The following NKAIN3 variants were observed in gnomAD, a reference collection of about 807,000 sequenced individuals.
NKAIN3 encodes the protein sodium/potassium transporting ATPase interacting 3.
NKAIN3 carries 25 observed loss-of-function variants against 30.2 expected under a neutral mutation model. The observed-to-expected ratio is 0.83, with a 90% confidence interval of 0.60 to 1.16. NKAIN3 has a LOEUF of 1.16. Ranked by LOEUF, NKAIN3 falls within the 50% of genes most tolerant of loss-of-function variation. NKAIN3 has a pLI of 0.00. For synonymous variants in NKAIN3, 91 were observed against 89.6 expected (o/e 1.02, Z -0.09); for missense variants, 225 against 254.1 (o/e 0.89, Z 0.78).
intron 1 of NKAIN3, among the ~76,000 whole-genome samples, chr8:62,396,602 G>A (rs1361510669): frequency 1.3e-5 from 2 of 152,036 alleles, no homozygotes; most frequent in Non-Finnish European, 2.9e-5. Flanking sequence ...TTAATTTATA[G>A]TAGAATAAAT....
rs75393373 is a variant in NKAIN3 at position 62,608,678 on chromosome 8, A to G, written c.273+18884A>G. 3.7e-3 allele frequency among the ~76,000 whole-genome samples: 561 copies of G among 152,316 alleles called. 2 individuals are homozygous for G. Among genetic ancestry groups the G allele is most frequent in the Middle Eastern group, 0.031 (9 of 294 alleles). On this transcript the variant is annotated intron_variant, in intron 3 of 6. Coordinates refer to ENST00000623646, the MANE Select transcript of NKAIN3 (RefSeq NM_001304533.3). ...ACAAGCAAGCATCTGCAATTATAGCATGTAAACTTTAACTTCCTTAAACTT... is the reference window on the plus strand; with the variant it reads ...ACAAGCAAGCATCTGCAATTATAGCGTGTAAACTTTAACTTCCTTAAACTT...
chr8:62,878,238 A>AT (rs1430323342), intron 4 of NKAIN3, among the ~76,000 whole-genome samples: 1 of 151,990 alleles, frequency 6.6e-6, no homozygotes, highest in African/African-American at 2.4e-5. Flanking sequence ...ACAATTCTAA[A>AT]TTTTTTTTCT....
intron 1 of NKAIN3, among the ~76,000 whole-genome samples, chr8:62,427,074 AG>A (rs772994432): frequency 1.3e-5 from 2 of 152,158 alleles, no homozygotes; most frequent in Non-Finnish European, 2.9e-5. Flanking sequence ...AGCCTGTCAG[AG>A]GGAGCTCAAG....
intron 4 of NKAIN3, among the ~76,000 whole-genome samples, chr8:62,764,495 T>C (rs894897832): frequency 2.6e-5 from 4 of 151,964 alleles, no homozygotes; most frequent in Non-Finnish European, 5.9e-5. Context: ...AGACAGAGCC[T>C]TGCTCTGTTG....
intron 1 of NKAIN3, among the ~76,000 whole-genome samples, chr8:62,518,567 TA>T (rs1406318276): frequency 1.3e-5 from 2 of 152,136 alleles, no homozygotes; most frequent in African/African-American, 4.8e-5. Flanking sequence ...AAATGCTAAA[TA>T]ATCAGGAGTA....
intron 1 of NKAIN3, among the ~76,000 whole-genome samples, chr8:62,381,901 T>A (rs1461387792): frequency 6.6e-6 from 1 of 152,164 alleles, no homozygotes; most frequent in Non-Finnish European, 1.5e-5. Context: ...AATTCTAAGT[T>A]TAAAAGTTCT....
intron 1 of NKAIN3, among the ~76,000 whole-genome samples, chr8:62,498,113 G>C (rs768130517): frequency 6.6e-6 from 1 of 152,180 alleles, no homozygotes; most frequent in African/African-American, 2.4e-5. Context: ...CCTTTGGGTT[G>C]GATGAACTGA....
At chr8:62,624,776 A>G (rs1586021836) in intron 3 of NKAIN3, among the ~76,000 whole-genome samples, 1 of 146,866 alleles carries the variant, frequency 6.8e-6, no homozygotes, top group Non-Finnish European at 1.5e-5. Flanking sequence ...TGGTTCTTGA[A>G]CATTCTGCTT....
intron 1 of NKAIN3, among the ~76,000 whole-genome samples, chr8:62,310,863 G>A: frequency 6.7e-6 from 1 of 150,284 alleles, no homozygotes; most frequent in East Asian, 1.9e-4. Context: ...GGGTGGACAA[G>A]GATGACACTA....
intron 1 of NKAIN3, among the ~76,000 whole-genome samples, chr8:62,504,939 G>A (rs747882744): frequency 3.3e-5 from 5 of 152,132 alleles, no homozygotes; most frequent in Non-Finnish European, 5.9e-5. Context: ...TAAAATGCCA[G>A]TTACTTTAGC....
At chr8:62,746,365 C>T (rs1236684478) in intron 3 of NKAIN3, among the ~76,000 whole-genome samples, 1 of 152,222 alleles carries the variant, frequency 6.6e-6, no homozygotes, top group African/African-American at 2.4e-5. Flanking sequence ...AATTTAATCA[C>T]ATCTGCTCAG....
At chr8:62,944,026 G>A (rs1585605942) in intron 5 of NKAIN3, among the ~76,000 whole-genome samples, 1 of 151,906 alleles carries the variant, frequency 6.6e-6, no homozygotes, top group Non-Finnish European at 1.5e-5. Context: ...GGGAGTGGGT[G>A]AGGGATAAAC....
chr8:62,537,669 A>G (rs753962676), intron 1 of NKAIN3, among the ~76,000 whole-genome samples: 16 of 152,066 alleles, frequency 1.1e-4, no homozygotes, highest in Non-Finnish European at 2.1e-4. Context: ...TTTATTCAAC[A>G]ACTCTCAATT....
At chr8:62,695,064 C>T (rs187634913) in intron 3 of NKAIN3, among the ~76,000 whole-genome samples, 1 of 152,306 alleles carries the variant, frequency 6.6e-6, no homozygotes, top group Admixed American at 6.5e-5. Context: ...TTTCATATTG[C>T]CTTCTCCTCT....
intron 1 of NKAIN3, among the ~76,000 whole-genome samples, chr8:62,371,177 A>G (rs950128980): frequency 1.3e-5 from 2 of 151,978 alleles, no homozygotes; most frequent in African/African-American, 4.8e-5. Context: ...TTCAGACAAC[A>G]TATTTTGTTG....
At position 62,627,209 on chromosome 8, in the gene NKAIN3, G is replaced by A. The variant is rs118019943; in HGVS notation, c.273+37415G>A. On this transcript the variant is annotated intron_variant, in intron 3 of 6. Transcript: ENST00000623646. ...TCTAAAATTTAATTTTTCTATTTGA[G>A]AAATACAGGTAACAGCACCCACACA... Among the ~76,000 whole-genome samples, 37 of 152,196 alleles carry A rather than the reference G, an allele frequency of 2.4e-4. No homozygotes were observed. In the East Asian group the frequency reaches 6.8e-3, roughly 28 times the overall value.
At chr8:62,340,904 C>T (rs201538755) in intron 1 of NKAIN3, among the ~76,000 whole-genome samples, 2 of 152,122 alleles carry the variant, frequency 1.3e-5, no homozygotes, top group East Asian at 1.9e-4. Context: ...AGCGTCTTGT[C>T]ATCTTCATTC....
At chr8:62,638,122 C>T (rs1456161027) in intron 3 of NKAIN3, among the ~76,000 whole-genome samples, 1 of 152,104 alleles carries the variant, frequency 6.6e-6, no homozygotes. Context: ...GTATGTTTGA[C>T]TCCTGTTTAA....
intron 4 of NKAIN3, among the ~76,000 whole-genome samples, chr8:62,752,795 C>A: frequency 6.6e-6 from 1 of 151,890 alleles, no homozygotes; most frequent in East Asian, 1.9e-4. Flanking sequence ...TTTACAAAAC[C>A]CAAAGTATGT....
Sources: allele counts gnomAD v4.1 joint callset (sites outside exome capture counted in the v4.1 genomes callset), GRCh38; gene constraint gnomAD v4.1.1; transcripts MANE v1.5; gene names NCBI Gene and HGNC (gene_info 2026-07-23, HGNC 2026-07-21).